Variants in CLIC2 observed in about 807,000 individuals in gnomAD.
CLIC2 encodes the protein CLIC family member 2.
A neutral mutation model predicts 14.8 loss-of-function variants in CLIC2; 9 were observed. The ratio of observed to expected loss-of-function variants is 0.61; its 90% CI spans 0.37 to 1.06. The LOEUF is 1.06. Ranked by LOEUF, CLIC2 falls within the 50% of genes least tolerant of loss-of-function variation. The pLI is 0.01. For missense variants in CLIC2, 148 were observed against 181.4 expected (o/e 0.82, Z 1.06); for synonymous variants, 61 against 66.3 (o/e 0.92, Z 0.39).
intron 1 of CLIC2, among the ~76,000 whole-genome samples, chrX:155,311,578 T>C (rs2075074561): frequency 1.8e-5 from 2 of 112,109 alleles, no homozygotes; most frequent in Admixed American, 9.4e-5. Flanking sequence ...CCCTCCCATG[T>C]GTTCCAACCT....
intron 3 of CLIC2, among the ~76,000 whole-genome samples, 167 bp downstream of exon 3, chrX:155,298,618 A>G (rs73247679): frequency 1.8e-5 from 2 of 112,486 alleles, no homozygotes; most frequent in African/African-American, 3.2e-5. Flanking sequence ...TACACATATC[A>G]TCTTTTTGTA....
chrX:155,299,288 A>C (rs1195570656), intron 1 of CLIC2, 143 bp from the exon 2 acceptor site: 10 of 468,098 alleles, frequency 2.1e-5, no homozygotes, highest in South Asian at 6.1e-5. Flanking sequence ...ACAGAGAGAT[A>C]TAGGGAAGCA....
intron 1 of CLIC2, among the ~76,000 whole-genome samples, chrX:155,333,824 T>G (rs1422677548): frequency 9.1e-6 from 1 of 110,177 alleles, no homozygotes; most frequent in Admixed American, 9.7e-5. Context: ...CACAGACTCC[T>G]GTTTTTTTTC....
chrX:155,285,141 C>T (rs2074936858), intron 3 of CLIC2, among the ~76,000 whole-genome samples: 1 of 112,324 alleles, frequency 8.9e-6, no homozygotes, highest in Admixed American at 9.4e-5. Context: ...GAAGGGTTCC[C>T]ATATCCAGCA....
In CLIC2 at chrX:155,304,812, G is replaced by T. The variant is rs782705410; in HGVS notation, c.58-5667C>A. On this transcript the variant is annotated intron_variant, in intron 1 of 5. Transcript: ENST00000369449. Reference sequence around the variant, plus strand: ...TTCCTTCTAACAGACAGGACCCTCAGCTGCAGGTCTGTTGGAGTACCCTGC... The same window carrying T: ...TTCCTTCTAACAGACAGGACCCTCATCTGCAGGTCTGTTGGAGTACCCTGC... Among the ~76,000 whole-genome samples the T allele has an allele frequency of 2.6e-3, 201 of 78,799 alleles. 5 individuals carry two copies. Among genetic ancestry groups the T allele is most frequent in the Admixed American group, 0.025 (165 of 6,704 alleles). 68.4% of individuals were successfully genotyped at this position (78,799 alleles called of 115,157 possible). A position where few individuals can be genotyped will look rare whatever the true frequency, so the allele number is the denominator to read the frequency against.
chrX:155,314,551 A>C (rs2075088110), intron 1 of CLIC2, among the ~76,000 whole-genome samples: 1 of 111,754 alleles, frequency 8.9e-6, no homozygotes, highest in South Asian at 3.7e-4. Flanking sequence ...CAATCAAGGG[A>C]CCACCCCGTG....
At chrX:155,290,513 C>T in intron 3 of CLIC2, 1 of 558,398 alleles carries the variant, frequency 1.8e-6, no homozygotes, top group Non-Finnish European at 3.2e-6. Context: ...ACATCCATTA[C>T]AACATCCATA....
At chrX:155,329,162 G>T (rs1181716887) in intron 1 of CLIC2, among the ~76,000 whole-genome samples, 1 of 110,359 alleles carries the variant, frequency 9.1e-6, no homozygotes, top group Non-Finnish European at 1.9e-5. Context: ...AATGTGCAAA[G>T]ACGACCCACA....
At chrX:155,296,615 A>G (rs1448416117) in intron 3 of CLIC2, among the ~76,000 whole-genome samples, 2 of 111,575 alleles carry the variant, frequency 1.8e-5, no homozygotes, top group Non-Finnish European at 3.8e-5. Context: ...GGGGACTAAT[A>G]TCCAGAATAT....
chrX:155,297,860 CAAAAAAAA>C (rs200891873), intron 3 of CLIC2, among the ~76,000 whole-genome samples: 1 of 5,123 alleles, frequency 2.0e-4, no homozygotes, highest in African/African-American at 4.3e-4. Flanking sequence ...ACTCCGGTCT[CAAAAAAAA>C]AAAAAAAAAA....
intron 3 of CLIC2, among the ~76,000 whole-genome samples, chrX:155,296,384 A>G (rs1412397231): frequency 5.4e-5 from 6 of 111,887 alleles, no homozygotes; most frequent in African/African-American, 1.6e-4. Context: ...AGACTTAAAC[A>G]TAATACTCAA....
chrX:155,299,081 C>G lies in CLIC2; in HGVS notation c.122G>C (p.Trp41Ser), dbSNP rs1557318707. 1.7e-6 allele frequency: 2 copies of G among 1,208,573 alleles called. No individual in the cohort carries two copies. Among genetic ancestry groups the G allele is most frequent in the Non-Finnish European group, 2.2e-6 (2 of 894,153 alleles). ...CACATTAAATTTAACTCCTTTAAGC[C>G]AGAGGATCATGAAAAGGCGTTGGCA... Reference protein sequence around the residue: ...PFCQRLFMILWLKGVKFNVTT... With the variant: ...PFCQRLFMILSLKGVKFNVTT... The change falls in exon 2 of 6, where the codon TGG (tryptophan) becomes TCG (serine). Residue 41 changes from tryptophan (W) to serine (S), a missense_variant. Physicochemically the swap from Trp to Ser is radical, Grantham distance 177. Coordinates refer to ENST00000369449, the MANE Select transcript of CLIC2 (RefSeq NM_001289.6).
chrX:155,309,717 G>A (rs781994298), intron 1 of CLIC2: 11 of 137,217 alleles, frequency 8.0e-5, no homozygotes, highest in Non-Finnish European at 1.4e-4. Flanking sequence ...ACTACCATGA[G>A]AACAGTATGG....
At chrX:155,315,283 G>C (rs1453075485) in intron 1 of CLIC2, among the ~76,000 whole-genome samples, 1 of 111,966 alleles carries the variant, frequency 8.9e-6, no homozygotes, top group East Asian at 2.8e-4. Flanking sequence ...ATCACAAAAA[G>C]ATAATTGCCT....
rs782067711 is a variant in CLIC2 at position 155,298,780 on chromosome X, T to C, written c.293+5A>G. Reference sequence around the variant, plus strand: ...CAGCAAAATAGTATCTTGTAAATGCTGTACCTTGGAGGAGCCAGGGTTTGT... The same window carrying C: ...CAGCAAAATAGTATCTTGTAAATGCCGTACCTTGGAGGAGCCAGGGTTTGT... On this transcript the variant is annotated splice_donor_5th_base_variant and intron_variant, in intron 3 of 5. Coordinates refer to ENST00000369449, the MANE Select transcript of CLIC2 (RefSeq NM_001289.6). 1 of 1,210,079 alleles carries C rather than the reference T, an allele frequency of 8.3e-7. No individual in the cohort carries two copies. Among genetic ancestry groups the C allele is most frequent in the African/African-American group, 1.7e-5 (1 of 57,748 alleles).
intron 3 of CLIC2, among the ~76,000 whole-genome samples, chrX:155,297,779 G>A (rs1331961779): frequency 2.1e-5 from 2 of 95,231 alleles, no homozygotes; most frequent in South Asian, 1.1e-3. Context: ...GCGTGAACCC[G>A]AGACCCGAGA....
At chrX:155,301,293 C>T (rs1286001702) in intron 1 of CLIC2, among the ~76,000 whole-genome samples, 3 of 108,144 alleles carry the variant, frequency 2.8e-5, no homozygotes, top group Non-Finnish European at 5.8e-5. Context: ...AGGTCCTTCA[C>T]ATCCCTTGTA....
chrX:155,311,530 G>T (rs2075074350), intron 1 of CLIC2, among the ~76,000 whole-genome samples: 1 of 111,995 alleles, frequency 8.9e-6, no homozygotes, highest in African/African-American at 3.2e-5. Context: ...TCTCTAGGAA[G>T]TTCCTAGCTT....
intron 1 of CLIC2, chrX:155,310,373 T>C: frequency 4.4e-6 from 1 of 227,685 alleles, no homozygotes. Flanking sequence ...AGGTGGCTTG[T>C]TTATGTATGT....
Sources: gnomAD v4.1 joint callset for allele counts (sites outside exome capture counted in the v4.1 genomes callset) on GRCh38, gnomAD v4.1.1 for gene constraint, MANE v1.5 for transcripts, NCBI Gene and HGNC (gene_info 2026-07-23, HGNC 2026-07-21) for gene names.